Variants in DDX1 observed in about 807,000 individuals in gnomAD.
DDX1 encodes ATP-dependent RNA helicase DDX1.
Under a neutral mutation model 108.7 loss-of-function variants are expected in DDX1, and 28 were observed. The observed-to-expected ratio is 0.26, with a 90% CI of 0.19 to 0.35. The LOEUF (loss-of-function observed/expected upper bound fraction) is 0.35, where lower values mean the gene tolerates loss of function less well. DDX1 is among the 10% of genes least tolerant of loss of function. The pLI is 1.00. For missense variants in DDX1, 710 were observed against 884.5 expected, an observed-to-expected ratio of 0.80 and a Z score of 2.50; for synonymous variants, 295 against 288.9, an observed-to-expected ratio of 1.02 and a Z score of -0.21.
chr2:15,619,567 G>T (rs762940908), intron 16 of DDX1, among the ~76,000 whole-genome samples: 1 of 152,218 alleles, frequency 6.6e-6, no homozygotes, highest in Non-Finnish European at 1.5e-5. Flanking sequence ...ATGCTTATGA[G>T]CAGGGTCAAA....
chr2:15,602,451 T>C, intron 6 of DDX1, 97 bp from the exon 7 acceptor site: 1 of 788,888 alleles, frequency 1.3e-6, no homozygotes, highest in Non-Finnish European at 2.2e-6. Flanking sequence ...ATCTTGTTAG[T>C]GAGACTGAAT....
intron 10 of DDX1, among the ~76,000 whole-genome samples, chr2:15,605,426 C>T (rs957277604): frequency 4.6e-5 from 7 of 152,048 alleles, no homozygotes; most frequent in South Asian, 4.2e-4. Flanking sequence ...TTCAGTGCTG[C>T]GGATGGGTCT....
At chr2:15,606,410 A>G (rs1665663571) in intron 12 of DDX1, 146 bp downstream of exon 12, 1 of 596,766 alleles carries the variant, frequency 1.7e-6, no homozygotes, top group South Asian at 2.5e-5. Flanking sequence ...AGTAAAATTC[A>G]TTTTTAAAAC....
Position 15,599,702 on chromosome 2 carries a change from G to A in DDX1, c.293G>A (p.Arg98Lys), listed in dbSNP as rs1665558017. Residue 98 changes from arginine to lysine, a missense_variant, in exon 6 of 26, where the codon AGA (arginine) becomes AAA (lysine). Transcript: ENST00000233084. ...AAATGGCAGATGAACCCATATGACAGAGGATCTGCTTTTGGTAAGTGGATA... is the reference window on the plus strand; with the variant it reads ...AAATGGCAGATGAACCCATATGACAAAGGATCTGCTTTTGGTAAGTGGATA... The part of the protein sequence containing the change: ...LNKWQMNPYD[R>K]GSAFAIGSDG... 1 of 1,607,268 alleles carries A rather than the reference G, an allele frequency of 6.2e-7. No individual in the cohort carries two copies. Among genetic ancestry groups the A allele is most frequent in the South Asian group, 1.1e-5 (1 of 89,912 alleles).
In DDX1 at chr2:15,606,797, CAATT is replaced by C. The variant is rs1039902768; in HGVS notation, c.818-376_818-373del. 9.2e-5 allele frequency among the ~76,000 whole-genome samples: 14 copies of C among 152,282 alleles called. No individual in the cohort carries two copies. The East Asian group carries it at 1.5e-3, about 17-fold the overall frequency. On this transcript the variant is annotated intron_variant, in intron 12 of 25. Coordinates refer to ENST00000233084, the MANE Select transcript of DDX1 (RefSeq NM_004939.3). ...GAGTCATTTTTGTAGACATATCAAT[CAATT>C]AGAATTATTCCAAGTAGATTTTTAT...
At chr2:15,596,356 A>G (rs796377268) in intron 3 of DDX1, among the ~76,000 whole-genome samples, 26 of 152,284 alleles carry the variant, frequency 1.7e-4, no homozygotes, top group African/African-American at 5.8e-4. Flanking sequence ...GGGTCAGATT[A>G]TTTGGGCTCT....
chr2:15,628,773 A>G (rs749303948), intron 22 of DDX1, 24 bp from the exon 23 acceptor site: 1 of 1,612,982 alleles, frequency 6.2e-7, no homozygotes, highest in Non-Finnish European at 8.5e-7. Flanking sequence ...AAAGTCTAAT[A>G]GAAGGCTTTT....
rs758946709 is a variant in DDX1 at position 15,623,480 on chromosome 2, G to A, written c.1492G>A (p.Val498Ile). 12 of 1,613,450 alleles carry A rather than the reference G, an allele frequency of 7.4e-6. No homozygotes were observed. The Admixed American group carries it at 1.5e-4, about 20-fold the overall frequency. ...TAAAATCCTGAAAGGGGAGTATGCT[G>A]TCCGGGCAATCAAGGAACATAAGAT... ...AIKILKGEYA[V>I]RAIKEHKMDQ... The change falls in exon 19 of 26, where the codon GTC becomes ATC. Residue 498 changes from valine (V) to isoleucine (I), a missense_variant. Transcript: ENST00000233084.
chr2:15,593,410 T>G (rs886174170), intron 1 of DDX1, among the ~76,000 whole-genome samples: 1 of 152,166 alleles, frequency 6.6e-6, no homozygotes, highest in African/African-American at 2.4e-5. Flanking sequence ...CTGGAAAAAG[T>G]CTGTGATATG....
At position 15,597,466 on chromosome 2, in the gene DDX1, C is replaced by G. The variant is rs749505330; in HGVS notation, c.254C>G (p.Ala85Gly). Residue 85 changes from alanine (A) to glycine (G), a missense_variant, in exon 5 of 26, where the codon GCT (alanine) becomes GGT (glycine). Around this residue, in one of 3 missense-constraint regions of DDX1, gnomAD observed 661 missense variants for 810.2 expected, o/e 0.82. Coordinates refer to ENST00000233084, the MANE Select transcript of DDX1 (RefSeq NM_004939.3). ...KKGKTTIKTG[A>G]SVLNKWQMNP... The stretch of plus-strand genomic sequence containing the variant: ...GGAAAAACAACAATTAAAACTGGTG[C>G]TTCAGGTAATTTTTGTAAATTGATA... 2 of 1,595,212 alleles carry G rather than the reference C, an allele frequency of 1.3e-6. No homozygotes were observed.
intron 13 of DDX1, among the ~76,000 whole-genome samples, chr2:15,612,910 G>A (rs1449405306): frequency 1.3e-5 from 2 of 151,354 alleles, no homozygotes; most frequent in Non-Finnish European, 3.0e-5. Flanking sequence ...GGCAAGCTGA[G>A]GCAGGAGAAT....
At chr2:15,605,242 G>T (rs1665644453) in intron 10 of DDX1, among the ~76,000 whole-genome samples, 1 of 151,964 alleles carries the variant, frequency 6.6e-6, no homozygotes, top group African/African-American at 2.4e-5. Context: ...AGGGATTGAG[G>T]GTAGTTAAAG....
intron 4 of DDX1, among the ~76,000 whole-genome samples, chr2:15,597,122 T>C (rs1223039954): frequency 1.3e-5 from 2 of 152,216 alleles, no homozygotes; most frequent in Non-Finnish European, 2.9e-5. Flanking sequence ...ATTTTTCCTC[T>C]TTAGTGTAGG....
rs377542250 is a variant in DDX1 at position 15,591,888 on chromosome 2, G to T, written c.-46G>T. 4.8e-6 allele frequency: 7 copies of T among 1,466,672 alleles called. No homozygotes were observed. Among genetic ancestry groups the T allele is most frequent in the East Asian group, 6.0e-5 (2 of 33,500 alleles). The allele number at this position is 1,466,672 out of a possible 1,614,324, so 90.9% of individuals were successfully genotyped here. ...CCGCCACTGCCACGCCGTGTCAGTC[G>T]GGAGGGAGGGAGCGAGCAGGCGAAG... On this transcript the variant is annotated 5_prime_UTR_variant, in exon 1 of 26. Transcript: ENST00000233084.
At chr2:15,621,796 G>A (rs911687732) in intron 18 of DDX1, among the ~76,000 whole-genome samples, 17 of 151,620 alleles carry the variant, frequency 1.1e-4, no homozygotes, top group African/African-American at 3.4e-4. Context: ...GGGATTACAG[G>A]CACGTGCCAC....
At chr2:15,620,586 G>A (rs532673517) in intron 17 of DDX1, among the ~76,000 whole-genome samples, 190 bp downstream of exon 17, 5 of 152,224 alleles carry the variant, frequency 3.3e-5, no homozygotes, top group Admixed American at 6.5e-5. Context: ...TTCTGTCTTC[G>A]TAATATTACT....
At chr2:15,611,685 G>A (rs1665764437) in intron 13 of DDX1, among the ~76,000 whole-genome samples, 3 of 115,936 alleles carry the variant, frequency 2.6e-5, no homozygotes, top group East Asian at 2.7e-4. Context: ...TGGCCGGGCG[G>A]GGGGCTGACC....
chr2:15,620,967 T>A, intron 17 of DDX1, 98 bp from the exon 18 acceptor site: 2 of 753,982 alleles, frequency 2.7e-6, no homozygotes, highest in Admixed American at 5.2e-5. Context: ...AAATACAGTC[T>A]AAAGACAAAT....
chr2:15,618,623 GAGGCTTC>G (rs1558457768), intron 16 of DDX1, among the ~76,000 whole-genome samples: 1 of 152,250 alleles, frequency 6.6e-6, no homozygotes, highest in African/African-American at 2.4e-5. Flanking sequence ...GCCAGGCCCC[GAGGCTTC>G]AGGTCTTCCC....
Sources: gnomAD v4.1 joint callset for allele counts (sites outside exome capture counted in the v4.1 genomes callset) on GRCh38, gnomAD v4.1.1 for gene constraint, gnomAD v4.1.1 regional missense constraint, MANE v1.5 for transcripts, NCBI Gene and HGNC (gene_info 2026-07-23, HGNC 2026-07-21) for gene names.